FANK1: variants seen among roughly 807,000 people sequenced by gnomAD.
FANK1 encodes fibronectin type 3 and ankyrin repeat domains protein 1.
Under a neutral mutation model 45.3 loss-of-function variants are expected in FANK1, and 44 were observed. The ratio of observed to expected loss-of-function variants is 0.97; its 90% CI spans 0.76 to 1.25. FANK1 has a LOEUF of 1.25. Among genes scored for constraint, FANK1 ranks in the 50% most tolerant of loss-of-function variants. The pLI is 0.00. For missense variants in FANK1, 391 were observed against 424.4 expected, an observed-to-expected ratio of 0.92 and a Z score of 0.69; for synonymous variants, 149 against 152.5, an observed-to-expected ratio of 0.98 and a Z score of 0.17.
At chr10:125,976,624 A>AT (rs57446589) in intron 1 of FANK1, among the ~76,000 whole-genome samples, 58,567 of 148,444 alleles carry the variant, frequency 0.39, 11,462 homozygotes, top group South Asian at 0.46. Context: ...TGCATTGTAA[A>AT]TTTTTTTTTT....
chr10:125,900,374 T>G (rs1163128732), intron 1 of FANK1, among the ~76,000 whole-genome samples: 1 of 152,044 alleles, frequency 6.6e-6, no homozygotes, highest in Non-Finnish European at 1.5e-5. Context: ...TTTCTTTTTT[T>G]GGAAAATAGT....
At chr10:125,987,546 C>T (rs1223949671) in intron 2 of FANK1, among the ~76,000 whole-genome samples, 2 of 151,982 alleles carry the variant, frequency 1.3e-5, no homozygotes, top group Non-Finnish European at 2.9e-5. Flanking sequence ...CACACACACA[C>T]ACCCTCTCAA....
chr10:125,940,555 A>G (rs1324541993), intron 1 of FANK1, among the ~76,000 whole-genome samples: 1 of 152,136 alleles, frequency 6.6e-6, no homozygotes, highest in Non-Finnish European at 1.5e-5. Flanking sequence ...TTTTATACCG[A>G]GACATTCTGT....
chr10:125,919,456 T>C (rs1398583941), intron 1 of FANK1, among the ~76,000 whole-genome samples: 1 of 152,106 alleles, frequency 6.6e-6, no homozygotes, highest in Non-Finnish European at 1.5e-5. Context: ...TCCTCCCCCC[T>C]TGGCCTCTCA....
chr10:125,925,025 A>G (rs552713959), intron 1 of FANK1, among the ~76,000 whole-genome samples: 13 of 152,186 alleles, frequency 8.5e-5, no homozygotes, highest in Admixed American at 7.9e-4. Flanking sequence ...ACACTCGTCT[A>G]TATGGTTAAT....
At chr10:125,972,626 A>G (rs1950588177) in intron 1 of FANK1, 1 of 152,174 alleles carries the variant, frequency 6.6e-6, no homozygotes, top group Admixed American at 6.5e-5. Context: ...ATCTGGCAAT[A>G]ATAGCTTTTT....
chr10:125,994,694 G>A (rs771829175), intron 3 of FANK1: 26 of 985,312 alleles, frequency 2.6e-5, no homozygotes, highest in Non-Finnish European at 3.1e-5. Flanking sequence ...CTAGAAAGAT[G>A]GGTGGCTTCT....
intron 6 of FANK1, among the ~76,000 whole-genome samples, chr10:125,998,244 T>C (rs1451284564): frequency 6.6e-6 from 1 of 152,158 alleles, no homozygotes; most frequent in Non-Finnish European, 1.5e-5. Flanking sequence ...GTAGATGACA[T>C]CGACAGACAG....
At chr10:126,005,804 G>A (rs1953153844) in intron 7 of FANK1, among the ~76,000 whole-genome samples, 1 of 152,144 alleles carries the variant, frequency 6.6e-6, no homozygotes, top group South Asian at 2.1e-4. Context: ...TTAAAGATTA[G>A]TCATTACAAA....
intron 1 of FANK1, among the ~76,000 whole-genome samples, chr10:125,898,239 G>T (rs1182324282): frequency 6.6e-6 from 1 of 152,092 alleles, no homozygotes; most frequent in African/African-American, 2.4e-5. Flanking sequence ...CTGTTTTCAT[G>T]TGTAAACTAT....
intron 1 of FANK1, among the ~76,000 whole-genome samples, chr10:125,898,344 G>A (rs1944750925): frequency 1.3e-5 from 2 of 152,020 alleles, no homozygotes; most frequent in Non-Finnish European, 2.9e-5. Context: ...ATTGAACAAC[G>A]GATCGGACAG....
intron 1 of FANK1, among the ~76,000 whole-genome samples, chr10:125,943,390 G>T (rs770902754): frequency 2.6e-5 from 4 of 151,604 alleles, no homozygotes; most frequent in Non-Finnish European, 5.9e-5. Context: ...TGCATGATTC[G>T]GTGGCTTTTT....
chr10:125,994,372 A>G (rs1352270174), intron 3 of FANK1: 1 of 984,742 alleles, frequency 1.0e-6, no homozygotes, highest in African/African-American at 1.7e-5. Context: ...CATGTACATT[A>G]CTTAGGTTTG....
chr10:125,964,399 G>T (rs745728733), intron 1 of FANK1, among the ~76,000 whole-genome samples: 1 of 151,708 alleles, frequency 6.6e-6, no homozygotes, highest in Non-Finnish European at 1.5e-5. Context: ...CACTATGTTG[G>T]CCAGGCTGGT....
chr10:125,935,192 A>T (rs1193121849), intron 1 of FANK1, among the ~76,000 whole-genome samples: 2 of 152,158 alleles, frequency 1.3e-5, no homozygotes, highest in Non-Finnish European at 2.9e-5. Context: ...CTTTGTGGTC[A>T]TCTTCATAAT....
At chr10:125,932,695 G>A (rs1947831061) in intron 1 of FANK1, among the ~76,000 whole-genome samples, 2 of 152,038 alleles carry the variant, frequency 1.3e-5, no homozygotes. Flanking sequence ...TACCGATTTG[G>A]ATGCCCTTTC....
intron 1 of FANK1, among the ~76,000 whole-genome samples, chr10:125,945,837 G>A (rs967245634): frequency 5.3e-5 from 8 of 152,196 alleles, no homozygotes; most frequent in East Asian, 1.9e-4. Flanking sequence ...ACCTCTGCAG[G>A]CTTAAGTGTC....
rs541328536 is a variant in FANK1, at chr10:126,009,501, G to A, written c.*63G>A. ...AAGTGAACCGTGACTGTTAAACTAG[G>A]GATGGGAAATTCTGCATCTTGGGGG... On this transcript the variant is annotated 3_prime_UTR_variant, in exon 11 of 11. Coordinates refer to ENST00000368693, the MANE Select transcript of FANK1 (RefSeq NM_145235.5). 3.2e-6 allele frequency: 5 copies of A among 1,561,970 alleles called. No individual in the cohort carries two copies. The South Asian group carries it at 5.8e-5, about 18-fold the overall frequency.
At chr10:125,940,541 C>T (rs182827147) in intron 1 of FANK1, among the ~76,000 whole-genome samples, 9 of 152,282 alleles carry the variant, frequency 5.9e-5, no homozygotes, top group Middle Eastern at 3.4e-3. Context: ...AATGTACGAT[C>T]GGATTTTATA....
Sources: gnomAD v4.1 joint callset for allele counts (sites outside exome capture counted in the v4.1 genomes callset) on GRCh38, gnomAD v4.1.1 for gene constraint, MANE v1.5 for transcripts, NCBI Gene and HGNC (gene_info 2026-07-23, HGNC 2026-07-21) for gene names.